Variants in CTNND2 observed in about 807,000 individuals in gnomAD.
CTNND2 encodes catenin delta 2, also known as catenin delta-2.
A neutral mutation model predicts 144.4 loss-of-function variants in CTNND2; 22 were observed. The ratio of observed to expected loss-of-function variants is 0.15; its 90% CI spans 0.11 to 0.22. The LOEUF is 0.22. Among genes scored for constraint, CTNND2 ranks in the 10% least tolerant of loss-of-function variants. CTNND2 has a pLI of 1.00. For missense variants in CTNND2, 1,353 were observed against 1,618.8 expected, an observed-to-expected ratio of 0.84 and a Z score of 2.82; for synonymous variants, 751 against 695.6, an observed-to-expected ratio of 1.08 and a Z score of -1.25.
At chr5:11,103,551 T>C (rs931593482) in intron 14 of CTNND2, among the ~76,000 whole-genome samples, 10 of 152,064 alleles carry the variant, frequency 6.6e-5, no homozygotes, top group Non-Finnish European at 1.2e-4. Flanking sequence ...ACACCTGTAA[T>C]TCCAGCTACT....
At chr5:11,549,240 C>G (rs1252916158) in intron 3 of CTNND2, among the ~76,000 whole-genome samples, 1 of 152,120 alleles carries the variant, frequency 6.6e-6, no homozygotes, top group Non-Finnish European at 1.5e-5. Context: ...TGAGGGCAGG[C>G]AGTTTTTCTT....
intron 1 of CTNND2, among the ~76,000 whole-genome samples, chr5:11,748,303 C>G (rs1482945357): frequency 6.6e-6 from 1 of 152,036 alleles, no homozygotes; most frequent in African/African-American, 2.4e-5. Flanking sequence ...CCTATTACAA[C>G]ACATGACTTT....
At chr5:11,033,793 G>A (rs1304402113) in intron 16 of CTNND2, among the ~76,000 whole-genome samples, 1 of 152,148 alleles carries the variant, frequency 6.6e-6, no homozygotes, top group East Asian at 1.9e-4. Flanking sequence ...TCATGCCACT[G>A]TACTCCAGCC....
chr5:11,418,865 A>T (rs761403150), intron 3 of CTNND2, among the ~76,000 whole-genome samples: 14 of 152,164 alleles, frequency 9.2e-5, no homozygotes, highest in Admixed American at 6.6e-4. Flanking sequence ...TCTTAAAAAC[A>T]AAATACAGAG....
At chr5:11,240,506 C>T (rs1412809745) in intron 9 of CTNND2, among the ~76,000 whole-genome samples, 3 of 130,642 alleles carry the variant, frequency 2.3e-5, no homozygotes, top group Admixed American at 7.7e-5. Flanking sequence ...ACACACACAC[C>T]CAACACACAC....
rs183273735 is a variant in CTNND2, at chr5:11,690,030, T to C, written c.174+42106A>G. 2.7e-3 allele frequency among the ~76,000 whole-genome samples: 412 copies of C among 152,348 alleles called. 3 individuals carry two copies. Among genetic ancestry groups the C allele is most frequent in the African/African-American group, 9.4e-3 (392 of 41,594 alleles). On this transcript the variant is annotated intron_variant, in intron 2 of 21. Coordinates refer to ENST00000304623, the MANE Select transcript of CTNND2 (RefSeq NM_001332.4). ...ATCAGGGGAAATCTATCTTGTTCTT[T>C]CAAAAATAATAACCTGAGTTTATAT... is the stretch of plus-strand genomic sequence containing the variant.
intron 1 of CTNND2, among the ~76,000 whole-genome samples, chr5:11,741,491 T>A (rs1338395933): frequency 6.6e-6 from 1 of 151,950 alleles, no homozygotes; most frequent in Admixed American, 6.6e-5. Context: ...CACTGCATGT[T>A]CTCACTCACA....
chr5:11,616,468 T>A (rs920061335), intron 2 of CTNND2, among the ~76,000 whole-genome samples: 4 of 152,140 alleles, frequency 2.6e-5, no homozygotes, highest in African/African-American at 9.7e-5. Context: ...GTGGTTCACA[T>A]ACTTTGGCCT....
Position 11,352,011 on chromosome 5 carries a change from C to G in CTNND2, c.1373-5384G>C, listed in dbSNP as rs567721164. Among the ~76,000 whole-genome samples, 12 of 152,292 alleles carry G rather than the reference C, an allele frequency of 7.9e-5. No homozygotes were observed. In the East Asian group the frequency reaches 2.1e-3, roughly 27 times the overall value. On this transcript the variant is annotated intron_variant, in intron 8 of 21. Transcript: ENST00000304623. ...TATCCAAGAGTGTCATCATTAATAA[C>G]TGAACTATAAACATTTTGCAATTTT...
chr5:11,481,028 G>C (rs1030005946), intron 3 of CTNND2, among the ~76,000 whole-genome samples: 2 of 152,002 alleles, frequency 1.3e-5, no homozygotes, highest in African/African-American at 4.8e-5. Context: ...AAAGAAAAAA[G>C]CTCTACAATC....
intron 7 of CTNND2, among the ~76,000 whole-genome samples, chr5:11,381,896 G>A (rs897474468): frequency 5.3e-5 from 8 of 152,188 alleles, no homozygotes; most frequent in Non-Finnish European, 1.0e-4. Flanking sequence ...AAACCTGGGA[G>A]GCGGAGCTGA....
In CTNND2 at chr5:11,395,230, T is replaced by C. The variant is rs61749802; in HGVS notation, c.612+1801A>G. On this transcript the variant is annotated intron_variant, in intron 6 of 21. Transcript: ENST00000304623. ...GTTGAACGTTTCTCTGACATTACAT[T>C]GAAGTCACAGGCGCTACAGAATATT... 2.5e-3 allele frequency among the ~76,000 whole-genome samples: 376 copies of C among 152,338 alleles called. 1 individual carries two copies. The highest frequency in any genetic ancestry group is 8.6e-3 in the African/African-American group (359 of 41,564).
intron 14 of CTNND2, among the ~76,000 whole-genome samples, chr5:11,099,682 A>G (rs1751690632): frequency 6.6e-6 from 1 of 152,154 alleles, no homozygotes; most frequent in African/African-American, 2.4e-5. Flanking sequence ...ACTCTTAACA[A>G]TTTAAAAAAC....
At chr5:11,524,209 C>T (rs1204156962) in intron 3 of CTNND2, among the ~76,000 whole-genome samples, 1 of 152,156 alleles carries the variant, frequency 6.6e-6, no homozygotes, top group South Asian at 2.1e-4. Flanking sequence ...CACGTCCCCT[C>T]CACAGGACTC....
At chr5:11,338,667 A>G (rs1221738461) in intron 9 of CTNND2, among the ~76,000 whole-genome samples, 2 of 152,314 alleles carry the variant, frequency 1.3e-5, no homozygotes, top group Middle Eastern at 3.4e-3. Context: ...CTGCCTTAGT[A>G]TAAATTAGGT....
intron 1 of CTNND2, among the ~76,000 whole-genome samples, chr5:11,866,511 C>T (rs1049515442): frequency 1.3e-5 from 2 of 152,118 alleles, no homozygotes; most frequent in Admixed American, 1.3e-4. Flanking sequence ...TAACCATCTA[C>T]AAAAATTAGG....
At chr5:11,538,143 G>T (rs1021545677) in intron 3 of CTNND2, among the ~76,000 whole-genome samples, 1 of 152,156 alleles carries the variant, frequency 6.6e-6, no homozygotes, top group Non-Finnish European at 1.5e-5. Context: ...TAAACCAACT[G>T]CTTCTCTAGG....
intron 15 of CTNND2, among the ~76,000 whole-genome samples, chr5:11,088,677 C>T (rs1561284764): frequency 6.6e-6 from 1 of 152,022 alleles, no homozygotes; most frequent in Admixed American, 6.6e-5. Flanking sequence ...TTTGGAGGGG[C>T]CCTATTGATA....
At chr5:11,343,322 C>A (rs1364557820) in intron 9 of CTNND2, among the ~76,000 whole-genome samples, 2 of 152,154 alleles carry the variant, frequency 1.3e-5, no homozygotes, top group Non-Finnish European at 2.9e-5. Context: ...ACACTTCTCA[C>A]TGAATAATAC....
Sources: allele counts gnomAD v4.1 joint callset (sites outside exome capture counted in the v4.1 genomes callset), GRCh38; gene constraint gnomAD v4.1.1; transcripts MANE v1.5; gene names NCBI Gene and HGNC (gene_info 2026-07-23, HGNC 2026-07-21).